ATP7A: variants seen among roughly 807,000 people sequenced by gnomAD.
The protein encoded by ATP7A is ATPase copper transporting alpha.
In ATP7A, 7 loss-of-function variants were observed where a neutral mutation model predicts 83.5. The observed-to-expected ratio is 0.08, with a 90% CI of 0.05 to 0.16. The LOEUF (loss-of-function observed/expected upper bound fraction) is 0.16. Ranked by LOEUF, ATP7A falls within the 10% of genes least tolerant of loss-of-function variation. ATP7A has a pLI of 1.00. For missense variants in ATP7A, 940 were observed against 1,120.8 expected (o/e 0.84, Z 2.30); for synonymous variants, 354 against 395.2 (o/e 0.90, Z 1.24).
intron 1 of ATP7A, among the ~76,000 whole-genome samples, chrX:77,911,757 A>C (rs1476317418): frequency 9.0e-6 from 1 of 110,758 alleles, no homozygotes; most frequent in African/African-American, 3.3e-5. Flanking sequence ...CAGCCTGGCC[A>C]TCATGGCGAA....
intron 1 of ATP7A, among the ~76,000 whole-genome samples, chrX:77,914,946 A>G (rs1603368762): frequency 9.0e-6 from 1 of 111,543 alleles, no homozygotes; most frequent in East Asian, 2.8e-4. Context: ...TATTCTCTTG[A>G]TGCTTCAAGG....
chrX:78,044,496 G>A (rs1336106343), intron 21 of ATP7A, among the ~76,000 whole-genome samples: 1 of 111,569 alleles, frequency 9.0e-6, no homozygotes, highest in African/African-American at 3.3e-5. Context: ...AATTCATGGA[G>A]CAAATGATTT....
intron 14 of ATP7A, 125 bp from the exon 15 acceptor site, chrX:78,029,125 G>T (rs1402377914): frequency 1.4e-6 from 1 of 696,377 alleles, no homozygotes; most frequent in African/African-American, 2.2e-5. Context: ...AAAAATATAT[G>T]TAGGTAGCTA....
At chrX:78,029,479 C>G (rs1557236776) in intron 15 of ATP7A, 35 bp downstream of exon 15, 3 of 1,147,506 alleles carry the variant, frequency 2.6e-6, no homozygotes, top group Admixed American at 2.2e-5. Context: ...CCTGTACCAC[C>G]AAACTATCAA....
At position 77,977,750 on chromosome X, in the gene ATP7A, C is replaced by A. The variant is rs138801746; in HGVS notation, c.120+5989C>A. Among the ~76,000 whole-genome samples the A allele has an allele frequency of 1.4e-3, 160 of 112,277 alleles. No homozygotes were observed. The East Asian group carries it at 0.031, about 22-fold the overall frequency. ...ATGTGAAAGCACTTTGTGTTGTCAA[C>A]AGTGATTTATACAAATTCCAGTGAC... is the stretch of plus-strand genomic sequence containing the variant. On this transcript the variant is annotated intron_variant, in intron 2 of 22. Coordinates refer to ENST00000341514, the MANE Select transcript of ATP7A (RefSeq NM_000052.7).
chrX:77,954,232 C>T (rs913626940), intron 1 of ATP7A, among the ~76,000 whole-genome samples: 4 of 111,753 alleles, frequency 3.6e-5, no homozygotes, highest in East Asian at 2.8e-4. Context: ...CTCTGCCTCC[C>T]GGGTTCAAGC....
At chrX:77,920,815 T>C (rs1246775534) in intron 1 of ATP7A, among the ~76,000 whole-genome samples, 1 of 111,483 alleles carries the variant, frequency 9.0e-6, no homozygotes, top group Non-Finnish European at 1.9e-5. Flanking sequence ...TTATTTTCTT[T>C]TGGATATATA....
At chrX:78,028,820 A>G (rs782105195) in intron 14 of ATP7A, among the ~76,000 whole-genome samples, 1 of 112,712 alleles carries the variant, frequency 8.9e-6, no homozygotes, top group East Asian at 2.8e-4. Context: ...TTGTTGAAAT[A>G]TGACTAAGGT....
rs1569550186 is a variant in ATP7A, at chrX:78,031,388, A to AT, written c.3112-5dup. On this transcript the variant is annotated splice_polypyrimidine_tract_variant and intron_variant, in intron 15 of 22. Coordinates refer to ENST00000341514, the MANE Select transcript of ATP7A (RefSeq NM_000052.7). ...AGGATCATCAAGTCATTGTATCTTA[A>AT]TTTTTTTACAGGTAAAGGTAGTGGT... 18 of 1,204,134 alleles carry AT rather than the reference A, an allele frequency of 1.5e-5. 1 individual carries two copies. Among genetic ancestry groups the AT allele is most frequent in the Middle Eastern group, 2.3e-4 (1 of 4,334 alleles).
intron 2 of ATP7A, among the ~76,000 whole-genome samples, chrX:77,979,207 C>T (rs1426712031): frequency 3.6e-5 from 4 of 111,072 alleles, no homozygotes; most frequent in Non-Finnish European, 7.5e-5. Context: ...GTTTTTTATT[C>T]CTTTTTTTAA....
chrX:77,924,900 C>T (rs897345936), intron 1 of ATP7A, among the ~76,000 whole-genome samples: 1 of 111,734 alleles, frequency 8.9e-6, no homozygotes, highest in Middle Eastern at 4.6e-3. Context: ...CCATGTTGGC[C>T]AGGCTGGTCT....
At position 78,040,602 on chromosome X, in the gene ATP7A, G is replaced by A. The variant is rs1354455601; in HGVS notation, c.3670G>A (p.Gly1224Ser). 2.5e-6 allele frequency: 3 copies of A among 1,209,507 alleles called. No individual in the cohort carries two copies. The highest frequency in any genetic ancestry group is 2.2e-6 in the Non-Finnish European group (2 of 894,712). The change falls in exon 19 of 23, where the codon GGC (glycine) becomes AGC (serine). Residue 1224 changes from glycine (G) to serine (S), a missense_variant. By Grantham distance (56) the Gly-to-Ser change is moderately conservative. This residue lies in a region of ATP7A where 386 missense variants were observed against 502.2 expected (regional missense o/e 0.77). Transcript: ENST00000341514. ...TGCCCCTATATTAGATGAGCTGTGT[G>A]GCTTGATAGCCATTGCAGACACAGT... ...VLVAVDDELC[G>S]LIAIADTVKP...
intron 1 of ATP7A, among the ~76,000 whole-genome samples, chrX:77,968,702 G>T (rs1233052917): frequency 8.9e-6 from 1 of 112,058 alleles, no homozygotes; most frequent in Non-Finnish European, 1.9e-5. Context: ...GAAGGGAGTG[G>T]GTGCAGGCGA....
At chrX:77,945,377 G>A (rs782673644) in intron 1 of ATP7A, among the ~76,000 whole-genome samples, 59 of 109,415 alleles carry the variant, frequency 5.4e-4, no homozygotes, top group African/African-American at 1.9e-3. Flanking sequence ...GCGGTGTTTC[G>A]CCATGTTGCC....
At chrX:77,926,847 T>C (rs1557223629) in intron 1 of ATP7A, among the ~76,000 whole-genome samples, 1 of 109,523 alleles carries the variant, frequency 9.1e-6, no homozygotes, top group African/African-American at 3.3e-5. Flanking sequence ...GGATTACAGG[T>C]GCACACCACC....
At chrX:77,960,627 G>A (rs1227043747) in intron 1 of ATP7A, among the ~76,000 whole-genome samples, 1 of 111,676 alleles carries the variant, frequency 9.0e-6, no homozygotes, top group Non-Finnish European at 1.9e-5. Context: ...TTCCAAACCA[G>A]AGATGATCAT....
At chrX:77,999,228 A>G (rs1193042517) in intron 5 of ATP7A, among the ~76,000 whole-genome samples, 2 of 110,548 alleles carry the variant, frequency 1.8e-5, no homozygotes, top group Non-Finnish European at 3.8e-5. Flanking sequence ...AACTCCTGGC[A>G]TCAGGTGATC....
chrX:77,976,791 T>C (rs2077578854), intron 2 of ATP7A, among the ~76,000 whole-genome samples: 1 of 112,425 alleles, frequency 8.9e-6, no homozygotes, highest in Non-Finnish European at 1.9e-5. Context: ...ATAGCATATA[T>C]TCCTTCTCCT....
chrX:78,000,121 C>T (rs1205685700), intron 5 of ATP7A, among the ~76,000 whole-genome samples: 1 of 110,342 alleles, frequency 9.1e-6, no homozygotes, highest in Non-Finnish European at 1.9e-5. Flanking sequence ...ATATTAAGGG[C>T]AGAACATTAT....
Sources: allele counts gnomAD v4.1 joint callset (sites outside exome capture counted in the v4.1 genomes callset), GRCh38; gene constraint gnomAD v4.1.1; regional missense constraint gnomAD v4.1.1; transcripts MANE v1.5; gene names NCBI Gene and HGNC (gene_info 2026-07-23, HGNC 2026-07-21).